The following FREM3 variants were observed in gnomAD, a reference collection of about 807,000 sequenced individuals.
FREM3 encodes FRAS1-related extracellular matrix protein 3.
FREM3 carries 105 observed loss-of-function variants against 129.1 expected under a neutral mutation model. The observed-to-expected ratio is 0.81, with a 90% CI of 0.69 to 0.96. The LOEUF is 0.96. Among genes scored for constraint, FREM3 ranks in the 40% least tolerant of loss-of-function variants. The pLI is 0.00. For missense variants in FREM3, 2,593 were observed against 2,666.3 expected (o/e 0.97, Z 0.61); for synonymous variants, 1,014 against 1,044.9 (o/e 0.97, Z 0.57).
chr4:143,669,669 A>C (rs1408644882), intron 2 of FREM3, among the ~76,000 whole-genome samples: 1 of 151,968 alleles, frequency 6.6e-6, no homozygotes, highest in Non-Finnish European at 1.5e-5. Flanking sequence ...AAAAAAAAAA[A>C]ACCACAAGTC....
intron 1 of FREM3, 33 bp from the exon 2 acceptor site, chr4:143,693,235 A>G: frequency 8.9e-7 from 1 of 1,128,986 alleles, no homozygotes; most frequent in Non-Finnish European, 1.2e-6. Flanking sequence ...ACAAAGTCAT[A>G]TTGGCACAAA....
In FREM3 at chr4:143,699,921, T is replaced by A; in HGVS notation, c.755A>T (p.Tyr252Phe). Residue 252 changes from tyrosine to phenylalanine, a missense_variant, in exon 1 of 8, where the codon TAT (tyrosine) becomes TTT (phenylalanine). Tyr to Phe is a conservative substitution (Grantham distance 22, BLOSUM62 3). Around this residue, in one of 2 missense-constraint regions of FREM3, gnomAD observed 2,276 missense variants for 2,267.2 expected, o/e 1.00. Coordinates refer to ENST00000329798, the MANE Select transcript of FREM3 (RefSeq NM_001168235.2). The surrounding 1 kb of genome is among the most constrained non-coding windows in gnomAD (Gnocchi z 4.2). ...GGGCGAGGAGGTGGCTGTGTGCTGA[T>A]AGCGCACCCCAGCACGGAGGAAAGC... ...CEAFLRAGVRYQHTATSSPNR... is the reference protein window; with the variant it reads ...CEAFLRAGVRFQHTATSSPNR... The A allele has an allele frequency of 6.5e-7, 1 of 1,535,892 alleles. No homozygotes were observed. The highest frequency in any genetic ancestry group is 8.7e-7 in the Non-Finnish European group (1 of 1,146,442).
At chr4:143,664,549 T>C (rs1739813827) in intron 2 of FREM3, among the ~76,000 whole-genome samples, 1 of 152,154 alleles carries the variant, frequency 6.6e-6, no homozygotes, top group Non-Finnish European at 1.5e-5. Flanking sequence ...AGGGACCCAC[T>C]TGAGGAGGCA....
chr4:143,638,477 T>C (rs1256919533), intron 2 of FREM3, among the ~76,000 whole-genome samples: 1 of 152,066 alleles, frequency 6.6e-6, no homozygotes, highest in Non-Finnish European at 1.5e-5. Context: ...AACAATATAA[T>C]ATAATGTAAT....
chr4:143,684,215 C>T (rs1369158062), intron 2 of FREM3, among the ~76,000 whole-genome samples: 1 of 152,106 alleles, frequency 6.6e-6, no homozygotes, highest in East Asian at 1.9e-4. Flanking sequence ...AAAAACAGAG[C>T]ATTAAACCAC....
chr4:143,668,703 G>A (rs1739910169), intron 2 of FREM3, among the ~76,000 whole-genome samples: 1 of 152,210 alleles, frequency 6.6e-6, no homozygotes, highest in African/African-American at 2.4e-5. Context: ...GCCAGGGTTT[G>A]ATATCCACCC....
At chr4:143,628,913 A>T (rs1215603254) in intron 2 of FREM3, among the ~76,000 whole-genome samples, 1 of 152,146 alleles carries the variant, frequency 6.6e-6, no homozygotes, top group Non-Finnish European at 1.5e-5. Flanking sequence ...GAAGCAGTCG[A>T]GTAGCTTTGA....
rs201556065 is a variant in FREM3 at position 143,699,440 on chromosome 4, G to A, written c.1236C>T (p.Asp412=). The A allele has an allele frequency of 5.3e-5, 81 of 1,537,168 alleles. No homozygotes were observed. Among genetic ancestry groups the A allele is most frequent in the Non-Finnish European group, 1.4e-5 (16 of 1,146,934 alleles). Residue 412 remains aspartate, a synonymous_variant, in exon 1 of 8, where the codon GAC becomes GAT. Transcript: ENST00000329798. The surrounding 1 kb of genome is among the most constrained non-coding windows in gnomAD (Gnocchi z 4.2). ...AGGCAAAGGGGTCTGAGGCGGCGCC[G>A]TCTCCGTCCACCACCTCCAGCTCCA... ...FQLELEVVDG[D]GAASDPFAFM... is the part of the protein sequence containing the mutation.
chr4:143,643,507 C>T (rs1739359442), intron 2 of FREM3, among the ~76,000 whole-genome samples: 1 of 151,858 alleles, frequency 6.6e-6, no homozygotes, highest in African/African-American at 2.4e-5. Context: ...ATGTTGTTTA[C>T]AACAACATGA....
intron 2 of FREM3, among the ~76,000 whole-genome samples, chr4:143,659,740 C>A (rs957041752): frequency 4.9e-4 from 74 of 151,046 alleles, no homozygotes; most frequent in Non-Finnish European, 7.7e-4. Context: ...CTCTTCAGCA[C>A]CTGTTGTCTC....
chr4:143,618,152 G>A (rs1330177699), intron 5 of FREM3, among the ~76,000 whole-genome samples: 1 of 152,090 alleles, frequency 6.6e-6, no homozygotes, highest in African/African-American at 2.4e-5. Context: ...GAATAGCGAG[G>A]CTCAGTGTCT....
At chr4:143,692,878 A>C (rs1740498360) in intron 2 of FREM3, among the ~76,000 whole-genome samples, 1 of 152,168 alleles carries the variant, frequency 6.6e-6, no homozygotes. Context: ...TTCACATTTC[A>C]CTCATCAAAT....
chr4:143,660,386 A>G (rs955280034), intron 2 of FREM3, among the ~76,000 whole-genome samples: 3 of 152,062 alleles, frequency 2.0e-5, no homozygotes, highest in African/African-American at 4.8e-5. Context: ...CAAAGATCAG[A>G]TAGTTGTAGA....
rs538875100 is a variant in FREM3 at position 143,633,160 on chromosome 4, C to A, written c.5276-5400G>T. Among the ~76,000 whole-genome samples, 3 of 152,192 alleles carry A rather than the reference C, an allele frequency of 2.0e-5. No homozygotes were observed. The South Asian group carries it at 6.2e-4, about 32-fold the overall frequency. On this transcript the variant is annotated intron_variant, in intron 2 of 7. Coordinates refer to ENST00000329798, the MANE Select transcript of FREM3 (RefSeq NM_001168235.2). Reference sequence around the variant, plus strand: ...GATCTAGTGTCCAGTGACAACTGTACCTAGTGGCAACGGTCATCCACAGAG... The same window carrying A: ...GATCTAGTGTCCAGTGACAACTGTAACTAGTGGCAACGGTCATCCACAGAG...
At chr4:143,604,413 G>C (rs1738630836) in intron 6 of FREM3, among the ~76,000 whole-genome samples, 1 of 152,076 alleles carries the variant, frequency 6.6e-6, no homozygotes, top group African/African-American at 2.4e-5. Flanking sequence ...CACTCTCCAA[G>C]GCAACCTGGA....
At chr4:143,638,070 G>T (rs575407214) in intron 2 of FREM3, among the ~76,000 whole-genome samples, 1 of 152,134 alleles carries the variant, frequency 6.6e-6, no homozygotes, top group Non-Finnish European at 1.5e-5. Flanking sequence ...GTCATGCTAT[G>T]TATAACAATA....
chr4:143,672,054 G>A (rs183649654), intron 2 of FREM3, among the ~76,000 whole-genome samples: 1 of 152,342 alleles, frequency 6.6e-6, no homozygotes, highest in Admixed American at 6.5e-5. Context: ...TCACTGCAGA[G>A]TGATGTTTGG....
intron 6 of FREM3, among the ~76,000 whole-genome samples, chr4:143,601,474 C>T (rs10519696): frequency 0.42 from 63,945 of 151,946 alleles, 13,657 homozygotes; most frequent in Middle Eastern, 0.46. Context: ...TACTAGAGTT[C>T]TCAAATCACG....
intron 2 of FREM3, among the ~76,000 whole-genome samples, chr4:143,684,152 A>G (rs957971259): frequency 1.4e-4 from 21 of 152,054 alleles, no homozygotes; most frequent in Non-Finnish European, 2.4e-4. Flanking sequence ...CCATACTACC[A>G]CAGCTGATGC....
Sources: gnomAD v4.1 joint callset for allele counts (sites outside exome capture counted in the v4.1 genomes callset) on GRCh38, gnomAD v4.1.1 for gene constraint, gnomAD v4.1.1 regional missense constraint, Gnocchi (gnomAD v3.1) non-coding constraint, MANE v1.5 for transcripts, NCBI Gene and HGNC (gene_info 2026-07-23, HGNC 2026-07-21) for gene names.